The following KIAA1549L variants were observed in gnomAD, a reference collection of about 807,000 sequenced individuals.
The protein encoded by KIAA1549L is UPF0606 protein KIAA1549L.
KIAA1549L carries 88 observed loss-of-function variants against 160.7 expected under a neutral mutation model. The ratio of observed to expected loss-of-function variants is 0.55; its 90% CI spans 0.46 to 0.65. KIAA1549L has a LOEUF of 0.65. Among genes scored for constraint, KIAA1549L ranks in the 30% least tolerant of loss-of-function variants. The pLI, the probability that KIAA1549L is intolerant of heterozygous loss-of-function variation, is 0.00. For missense variants in KIAA1549L, 2,258 were observed against 2,437.5 expected, an observed-to-expected ratio of 0.93 and a Z score of 1.55; for synonymous variants, 950 against 976.7, an observed-to-expected ratio of 0.97 and a Z score of 0.51.
At chr11:33,460,934 T>G (rs540355299) in intron 1 of KIAA1549L, among the ~76,000 whole-genome samples, 2 of 152,322 alleles carry the variant, frequency 1.3e-5, no homozygotes, top group African/African-American at 4.8e-5. Flanking sequence ...AAGTGCCATG[T>G]ATGGTTATCT....
chr11:33,598,973 AC>A (rs1198508794), intron 13 of KIAA1549L, 26 bp downstream of exon 13: 1 of 1,610,148 alleles, frequency 6.2e-7, no homozygotes, highest in Admixed American at 1.7e-5. Flanking sequence ...TCCAAGAACC[AC>A]CCCCAGCTGC....
At chr11:33,558,552 G>A (rs1209031878) in intron 6 of KIAA1549L, among the ~76,000 whole-genome samples, 4 of 152,178 alleles carry the variant, frequency 2.6e-5, no homozygotes, top group African/African-American at 9.7e-5. Flanking sequence ...GGAGGGAGAA[G>A]GGAAGGCACG....
At chr11:33,475,929 G>A (rs906227992) in intron 1 of KIAA1549L, among the ~76,000 whole-genome samples, 3 of 152,098 alleles carry the variant, frequency 2.0e-5, no homozygotes, top group Admixed American at 2.0e-4. Context: ...CCCCCAGGTT[G>A]GGATTCATTA....
chr11:33,542,501 C>G lies in KIAA1549L; in HGVS notation c.938C>G (p.Pro313Arg). 2 of 1,613,734 alleles carry G rather than the reference C, an allele frequency of 1.2e-6. No individual in the cohort carries two copies. The highest frequency in any genetic ancestry group is 1.1e-5 in the South Asian group (1 of 91,030). Reference sequence around the variant, plus strand: ...AATGCCCAGGATCTCATAGGCATCCCTCATCTAGGTGTTTCTGGATCCTCA... The same window carrying G: ...AATGCCCAGGATCTCATAGGCATCCGTCATCTAGGTGTTTCTGGATCCTCA... ...SQNAQDLIGIPHLGVSGSSTK... is the reference protein window; with the variant it reads ...SQNAQDLIGIRHLGVSGSSTK... The change falls in exon 2 of 21, where the codon CCT becomes CGT. Residue 313 changes from proline (P) to arginine (R), a missense_variant. By Grantham distance (103) the Pro-to-Arg change is moderately radical. Coordinates refer to ENST00000658780, the MANE Select transcript of KIAA1549L (RefSeq NM_012194.3).
In KIAA1549L at chr11:33,658,879, G is replaced by C; in HGVS notation, c.5988G>C (p.Gln1996His). 3.2e-6 allele frequency: 5 copies of C among 1,557,946 alleles called. No homozygotes were observed. The highest frequency in any genetic ancestry group is 4.3e-6 in the Non-Finnish European group (5 of 1,150,836). ...RGPVSVTQLDQSALNYSGNTV... is the reference protein window; with the variant it reads ...RGPVSVTQLDHSALNYSGNTV... ...CTGTGTCCGTGACGCAGTTGGATCA[G>C]TCGGCTTTAAATTACTCAGGTGGGC... The change falls in exon 19 of 21, where the codon CAG (glutamine) becomes CAC (histidine). Residue 1996 changes from glutamine to histidine, a missense_variant. Physicochemically the swap from Gln to His is conservative, Grantham distance 24. Coordinates refer to ENST00000658780, the MANE Select transcript of KIAA1549L (RefSeq NM_012194.3).
intron 1 of KIAA1549L, among the ~76,000 whole-genome samples, chr11:33,538,224 A>G (rs1055208093): frequency 7.2e-5 from 11 of 152,308 alleles, no homozygotes; most frequent in South Asian, 4.2e-4. Context: ...AACTGCCCCA[A>G]TGATTCAATA....
chr11:33,614,541 TA>T (rs1850732006), intron 15 of KIAA1549L, among the ~76,000 whole-genome samples: 1 of 5,670 alleles, frequency 1.8e-4, no homozygotes, highest in Non-Finnish European at 3.7e-4. Flanking sequence ...GATATATATA[TA>T]TATATATATA....
At chr11:33,655,861 A>C in intron 17 of KIAA1549L, 151 bp from the exon 18 acceptor site, 1 of 629,578 alleles carries the variant, frequency 1.6e-6, no homozygotes, top group Non-Finnish European at 2.9e-6. Context: ...GATGGCTGGA[A>C]ACATGTGAGG....
At chr11:33,383,482 A>G (rs773632809) in intron 1 of KIAA1549L, among the ~76,000 whole-genome samples, 2 of 152,160 alleles carry the variant, frequency 1.3e-5, no homozygotes, top group African/African-American at 2.4e-5. Context: ...GCAGTTAGCA[A>G]TCTGGGTGTT....
intron 1 of KIAA1549L, among the ~76,000 whole-genome samples, chr11:33,473,712 C>A (rs1298316286): frequency 6.6e-6 from 1 of 152,124 alleles, no homozygotes; most frequent in Non-Finnish European, 1.5e-5. Context: ...CATTCCCTGA[C>A]CATTTTCCTC....
intron 16 of KIAA1549L, among the ~76,000 whole-genome samples, chr11:33,631,520 C>T (rs897619227): frequency 1.3e-5 from 2 of 152,198 alleles, no homozygotes; most frequent in African/African-American, 4.8e-5. Context: ...CATCCGTGGT[C>T]TCTACCTATG....
At chr11:33,463,873 G>A (rs1851990630) in intron 1 of KIAA1549L, among the ~76,000 whole-genome samples, 1 of 152,148 alleles carries the variant, frequency 6.6e-6, no homozygotes, top group Admixed American at 6.5e-5. Flanking sequence ...TTTGCCTTAG[G>A]TGCAGTTCTA....
chr11:33,531,154 A>G (rs1853759748), intron 1 of KIAA1549L, among the ~76,000 whole-genome samples: 1 of 152,220 alleles, frequency 6.6e-6, no homozygotes, highest in Non-Finnish European at 1.5e-5. Flanking sequence ...AAGAAGTGAA[A>G]GTGAAATTCT....
chr11:33,469,438 AT>A (rs1381702675), intron 1 of KIAA1549L, among the ~76,000 whole-genome samples: 1 of 152,016 alleles, frequency 6.6e-6, no homozygotes, highest in East Asian at 1.9e-4. Flanking sequence ...GAACATGTGA[AT>A]TTTTTCCACT....
chr11:33,621,631 T>C (rs1165794182), intron 16 of KIAA1549L, among the ~76,000 whole-genome samples: 1 of 152,040 alleles, frequency 6.6e-6, no homozygotes, highest in African/African-American at 2.4e-5. Context: ...TGAATGAAAG[T>C]CATGTGGAAA....
At chr11:33,532,992 C>T (rs1393381772) in intron 1 of KIAA1549L, among the ~76,000 whole-genome samples, 1 of 152,140 alleles carries the variant, frequency 6.6e-6, no homozygotes, top group Non-Finnish European at 1.5e-5. Context: ...GGAAGCAATC[C>T]AGGGCAGCAT....
Position 33,611,260 on chromosome 11 carries a change from C to T in KIAA1549L, c.5279+1294C>T, listed in dbSNP as rs550490156. Among the ~76,000 whole-genome samples the T allele has an allele frequency of 4.0e-3, 610 of 152,270 alleles. 7 individuals carry two copies. The highest frequency in any genetic ancestry group is 0.013 in the African/African-American group (560 of 41,540). On this transcript the variant is annotated intron_variant, in intron 15 of 20. Coordinates refer to ENST00000658780, the MANE Select transcript of KIAA1549L (RefSeq NM_012194.3). ...CCCTCTGGCCTTGAGCATGCTCCCA[C>T]CCCGACATGCCACAGAGCCATGACA...
At chr11:33,597,317 T>C (rs937209459) in intron 12 of KIAA1549L, among the ~76,000 whole-genome samples, 4 of 152,182 alleles carry the variant, frequency 2.6e-5, no homozygotes, top group African/African-American at 9.7e-5. Flanking sequence ...TGATTGTTCA[T>C]GGCTTTTAGG....
chr11:33,587,492 G>T (rs7118332), intron 11 of KIAA1549L, among the ~76,000 whole-genome samples: 6,377 of 152,246 alleles, frequency 0.042, 448 homozygotes, highest in African/African-American at 0.15. Flanking sequence ...TCTTATCTGT[G>T]AAATGAAGGC....
Sources: allele counts gnomAD v4.1 joint callset (sites outside exome capture counted in the v4.1 genomes callset), GRCh38; gene constraint gnomAD v4.1.1; transcripts MANE v1.5; gene names NCBI Gene and HGNC (gene_info 2026-07-23, HGNC 2026-07-21).